MECOM: variants seen among roughly 807,000 people sequenced by gnomAD.
MECOM encodes the protein MDS1 and EVI1 complex locus.
MECOM carries 13 observed loss-of-function variants against 116.3 expected under a neutral mutation model. The observed-to-expected ratio is 0.11, with a 90% CI of 0.07 to 0.18. The LOEUF (loss-of-function observed/expected upper bound fraction) is 0.18. Ranked by LOEUF, MECOM falls within the 10% of genes least tolerant of loss-of-function variation. MECOM has a pLI of 1.00. For synonymous variants in MECOM, 528 were observed against 535.2 expected (o/e 0.99, Z 0.19); for missense variants, 1,299 against 1,509.0 (o/e 0.86, Z 2.31).
At chr3:169,289,299 G>A (rs1435239450) in intron 2 of MECOM, among the ~76,000 whole-genome samples, 4 of 152,152 alleles carry the variant, frequency 2.6e-5, no homozygotes, top group Non-Finnish European at 4.4e-5. Flanking sequence ...GAACCTCCTC[G>A]TGGATTGTTC....
chr3:169,382,445 CT>C (rs1315781563), intron 1 of MECOM, among the ~76,000 whole-genome samples: 1 of 152,080 alleles, frequency 6.6e-6, no homozygotes, highest in African/African-American at 2.4e-5. Context: ...CGGCGCCACA[CT>C]TGAAGTAAAC....
Position 169,417,294 on chromosome 3 carries a change from G to A in MECOM, c.38-35770C>T, listed in dbSNP as rs536627775. Among the ~76,000 whole-genome samples the A allele has an allele frequency of 8.4e-3, 1,246 of 148,524 alleles. 57 individuals are homozygous for A. Among genetic ancestry groups the A allele is most frequent in the Admixed American group, 0.078 (1,110 of 14,204 alleles). On this transcript the variant is annotated intron_variant, in intron 1 of 16. Transcript: ENST00000651503. ...CAAACAACCCCATCAAAAAGTGGGC[G>A]AAGGACATGAACAGACACTTCTCAA... is the stretch of plus-strand genomic sequence containing the variant.
chr3:169,394,259 CA>C (rs1734675879), intron 1 of MECOM, among the ~76,000 whole-genome samples: 3 of 152,032 alleles, frequency 2.0e-5, no homozygotes, highest in South Asian at 4.1e-4. Context: ...GAGGGGGTCA[CA>C]AAAAAGAATA....
At chr3:169,320,863 A>G (rs1424789636) in intron 2 of MECOM, among the ~76,000 whole-genome samples, 1 of 152,194 alleles carries the variant, frequency 6.6e-6, no homozygotes, top group Non-Finnish European at 1.5e-5. Context: ...ATGGAGTGAT[A>G]GGAAAAAGCT....
At chr3:169,282,620 C>T (rs1166670962) in intron 2 of MECOM, among the ~76,000 whole-genome samples, 1 of 152,068 alleles carries the variant, frequency 6.6e-6, no homozygotes, top group African/African-American at 2.4e-5. Context: ...CCAAATGTGA[C>T]CGACGCTGCC....
intron 2 of MECOM, among the ~76,000 whole-genome samples, chr3:169,150,940 C>T (rs1741089449): frequency 6.6e-6 from 1 of 152,134 alleles, no homozygotes; most frequent in African/African-American, 2.4e-5. Flanking sequence ...GTGTGGATTG[C>T]AGAATCTTTA....
intron 1 of MECOM, among the ~76,000 whole-genome samples, chr3:169,481,184 C>T (rs886449923): frequency 2.0e-5 from 3 of 152,136 alleles, no homozygotes; most frequent in Admixed American, 1.3e-4. Flanking sequence ...ATGTGTTAAT[C>T]GGTCATGGAC....
intron 1 of MECOM, among the ~76,000 whole-genome samples, chr3:169,393,983 CTG>C (rs1198708687): frequency 1.3e-5 from 2 of 152,022 alleles, no homozygotes; most frequent in Non-Finnish European, 2.9e-5. Flanking sequence ...AAAATTATAA[CTG>C]TTATAATTCT....
intron 2 of MECOM, among the ~76,000 whole-genome samples, chr3:169,190,569 G>A (rs1046359711): frequency 6.6e-6 from 1 of 151,924 alleles, no homozygotes; most frequent in Non-Finnish European, 1.5e-5. Context: ...CTCATCACAG[G>A]CCAACTGGTA....
chr3:169,609,291 T>G (rs1302782793), intron 1 of MECOM, among the ~76,000 whole-genome samples: 1 of 152,142 alleles, frequency 6.6e-6, no homozygotes, highest in Non-Finnish European at 1.5e-5. Context: ...GCCTTTTTTT[T>G]GCCATATGCT....
chr3:169,505,542 TGA>T (rs1202474628), intron 1 of MECOM, among the ~76,000 whole-genome samples: 5 of 152,192 alleles, frequency 3.3e-5, no homozygotes, highest in African/African-American at 7.2e-5. Flanking sequence ...TAATCTTGTG[TGA>T]GTGTGTGTTT....
intron 1 of MECOM, among the ~76,000 whole-genome samples, chr3:169,500,676 T>A (rs534013015): frequency 1.8e-4 from 27 of 152,078 alleles, no homozygotes; most frequent in Admixed American, 1.3e-3. Flanking sequence ...TTATAAGGAT[T>A]TAATTACTAA....
intron 3 of MECOM, among the ~76,000 whole-genome samples, chr3:169,138,130 A>G (rs1156297629): frequency 4.6e-5 from 7 of 152,096 alleles, no homozygotes; most frequent in Non-Finnish European, 1.0e-4. Flanking sequence ...ATCCTCCTTC[A>G]TGGCTTGTAA....
chr3:169,645,569 G>C (rs1774067599), intron 1 of MECOM, among the ~76,000 whole-genome samples: 2 of 152,156 alleles, frequency 1.3e-5, no homozygotes, highest in South Asian at 4.1e-4. Flanking sequence ...AGAGCTTCTG[G>C]ATTCTCCACA....
At chr3:169,389,212 T>C (rs1039384502) in intron 1 of MECOM, among the ~76,000 whole-genome samples, 1 of 152,222 alleles carries the variant, frequency 6.6e-6, no homozygotes, top group Non-Finnish European at 1.5e-5. Flanking sequence ...AAACTTTCTC[T>C]TCAGAGATGG....
intron 2 of MECOM, among the ~76,000 whole-genome samples, chr3:169,246,999 A>G (rs1001830695): frequency 2.0e-5 from 3 of 152,200 alleles, no homozygotes; most frequent in Admixed American, 1.3e-4. Flanking sequence ...GCAATAGCCT[A>G]TTATTTAAAG....
intron 1 of MECOM, among the ~76,000 whole-genome samples, chr3:169,465,435 T>C (rs949858763): frequency 3.3e-5 from 5 of 152,204 alleles, no homozygotes; most frequent in African/African-American, 1.2e-4. Context: ...TCTATAAGTA[T>C]TCATTATATA....
intron 1 of MECOM, among the ~76,000 whole-genome samples, chr3:169,474,409 CA>C (rs1750028635): frequency 6.6e-6 from 1 of 152,178 alleles, no homozygotes; most frequent in African/African-American, 2.4e-5. Flanking sequence ...TCTGTACTTA[CA>C]ACCCAACATA....
At chr3:169,312,828 T>C (rs1719059477) in intron 2 of MECOM, among the ~76,000 whole-genome samples, 2 of 152,128 alleles carry the variant, frequency 1.3e-5, no homozygotes, top group Non-Finnish European at 2.9e-5. Context: ...TGTCAGCTGG[T>C]AGTTGGATCT....
Sources: gnomAD v4.1 joint callset for allele counts (sites outside exome capture counted in the v4.1 genomes callset) on GRCh38, gnomAD v4.1.1 for gene constraint, MANE v1.5 for transcripts, NCBI Gene and HGNC (gene_info 2026-07-23, HGNC 2026-07-21) for gene names.